AHNAK: variants seen among roughly 807,000 people sequenced by gnomAD.
AHNAK encodes the protein neuroblast differentiation-associated protein AHNAK.
In AHNAK, 23 loss-of-function variants were observed where a neutral mutation model predicts 37.8. That is an observed-to-expected ratio of 0.61 (90% confidence interval 0.44 to 0.86). The LOEUF (loss-of-function observed/expected upper bound fraction) is 0.86, where lower values mean the gene tolerates loss of function less well. Among genes scored for constraint, AHNAK ranks in the 40% least tolerant of loss-of-function variants. AHNAK has a pLI of 0.00. For missense variants in AHNAK, 7,411 were observed against 7,319.4 expected (o/e 1.01, Z -0.46); for synonymous variants, 2,481 against 2,636.3 (o/e 0.94, Z 1.80).
At chr11:62,501,272 T>C (rs1017699812) in intron 4 of AHNAK, among the ~76,000 whole-genome samples, 6 of 151,710 alleles carry the variant, frequency 4.0e-5, no homozygotes, top group Admixed American at 3.3e-4. Context: ...TTCTACATTC[T>C]AGAAGAACTT....
At chr11:62,543,854 C>T (rs1941210954) in intron 1 of AHNAK, among the ~76,000 whole-genome samples, 2 of 152,222 alleles carry the variant, frequency 1.3e-5, no homozygotes, top group African/African-American at 4.8e-5. Flanking sequence ...CAAACCTAAG[C>T]GTGCACAGCA....
intron 5 of AHNAK, among the ~76,000 whole-genome samples, chr11:62,467,807 T>C (rs1334619727): frequency 1.3e-5 from 2 of 152,218 alleles, no homozygotes; most frequent in East Asian, 3.8e-4. Flanking sequence ...AACACCCTAC[T>C]AAAACTTTCA....
intron 5 of AHNAK, among the ~76,000 whole-genome samples, chr11:62,481,276 T>C (rs113511097): frequency 0.011 from 1,630 of 152,086 alleles, 21 homozygotes; most frequent in African/African-American, 0.038. Flanking sequence ...CAGCTAATTT[T>C]TGTATTTTTT....
At position 62,518,601 on chromosome 11, in the gene AHNAK, C is replaced by T. The variant is rs1392739537; in HGVS notation, c.15816G>A (p.Lys5272=). The change falls in exon 5 of 5, where the codon AAG becomes AAA. Residue 5272 remains lysine, a synonymous_variant. Transcript: ENST00000378024. ...TTAGAGAAACATCGGGCCCTTCGAG[C>T]TTAACATCTGGTCCTCTCAAGTCTC... The part of the protein sequence containing the change: ...LEGDLRGPDV[K]LEGPDVSLKG... The T allele has an allele frequency of 6.2e-7, 1 of 1,614,202 alleles. No individual in the cohort carries two copies. The highest frequency in any genetic ancestry group is 1.1e-5 in the South Asian group (1 of 91,084).
At chr11:62,479,447 G>A (rs892536986) in intron 5 of AHNAK, among the ~76,000 whole-genome samples, 11 of 141,300 alleles carry the variant, frequency 7.8e-5, no homozygotes, top group East Asian at 2.1e-4. Context: ...GATTACGGGC[G>A]TGAGCTACCC....
intron 2 of AHNAK, 132 bp from the exon 3 acceptor site, chr11:62,536,230 C>G: frequency 1.1e-6 from 1 of 925,892 alleles, no homozygotes; most frequent in Non-Finnish European, 1.5e-6. Context: ...GCCCCTGCAG[C>G]TGGCTCACCT....
At position 62,520,519 on chromosome 11, in the gene AHNAK, T is replaced by C. The variant is rs116119386; in HGVS notation, c.13898A>G (p.Lys4633Arg). 246 of 1,614,178 alleles carry C rather than the reference T, an allele frequency of 1.5e-4. No individual in the cohort carries two copies. The African/African-American group carries it at 3.0e-3, about 19-fold the overall frequency. The change falls in exon 5 of 5, where the codon AAA becomes AGA. Residue 4633 changes from lysine to arginine, a missense_variant. Lys to Arg is a conservative substitution (Grantham distance 26). Coordinates refer to ENST00000378024, the MANE Select transcript of AHNAK (RefSeq NM_001620.3). ...CACATCTGGGACATCAATGTCCACTTTGGGGTCCCTGATGTCAACTTCGGG... is the reference window on the plus strand; with the variant it reads ...CACATCTGGGACATCAATGTCCACTCTGGGGTCCCTGATGTCAACTTCGGG... ...KGPEVDIRDP[K>R]VDIDVPDVDV... is the part of the protein sequence containing the mutation.
chr11:62,490,168 T>C (rs1467174354), intron 5 of AHNAK, among the ~76,000 whole-genome samples: 3 of 151,516 alleles, frequency 2.0e-5, no homozygotes, highest in Non-Finnish European at 2.9e-5. Context: ...GGGTTCGGGC[T>C]TGAGGGAGGC....
Position 62,528,394 on chromosome 11 carries a change from T to A in AHNAK, c.6023A>T (p.Asp2008Val). Reference protein sequence around the residue: ...LKGPKVKGDMDVSVPKVEGEM... With the variant: ...LKGPKVKGDMVVSVPKVEGEM... ...ACCTTCTACCTTGGGCACAGACACA[T>A]CCATATCCCCTTTGACTTTGGGGCC... is the stretch of plus-strand genomic sequence containing the variant. Residue 2008 changes from aspartate to valine, a missense_variant, in exon 5 of 5, where the codon GAT (aspartate) becomes GTT (valine). Asp to Val is a radical substitution (Grantham distance 152). Coordinates refer to ENST00000378024, the MANE Select transcript of AHNAK (RefSeq NM_001620.3). 1 of 1,613,410 alleles carries A rather than the reference T, an allele frequency of 6.2e-7. No individual in the cohort carries two copies. The highest frequency in any genetic ancestry group is 1.1e-5 in the South Asian group (1 of 91,024).
intron 1 of AHNAK, among the ~76,000 whole-genome samples, chr11:62,541,725 A>G (rs867564339): frequency 5.3e-5 from 8 of 152,240 alleles, no homozygotes; most frequent in Middle Eastern, 6.3e-3. Flanking sequence ...AAAAGAATTA[A>G]TATCCTTATT....
chr11:62,460,984 C>CT (rs1237199746), intron 5 of AHNAK, among the ~76,000 whole-genome samples: 1 of 97,404 alleles, frequency 1.0e-5, no homozygotes, highest in African/African-American at 3.9e-5. Flanking sequence ...CCAGGCCTGG[C>CT]TAATTTTTTT....
Position 62,529,778 on chromosome 11 carries a change from C to A in AHNAK, c.4639G>T (p.Asp1547Tyr). The A allele has an allele frequency of 6.2e-7, 1 of 1,614,204 alleles. No homozygotes were observed. The highest frequency in any genetic ancestry group is 2.2e-5 in the East Asian group (1 of 44,886). ...AGATTCACATCTGGAACATCAATGT[C>A]CACCTTGGGTCCTGAAACACCAAGG... ...ADLGVSGPKVDIDVPDVNLEA... is the reference protein window; with the variant it reads ...ADLGVSGPKVYIDVPDVNLEA... The change falls in exon 5 of 5, where the codon GAC (aspartate) becomes TAC (tyrosine). Residue 1547 changes from aspartate to tyrosine, a missense_variant. Transcript: ENST00000378024.
Position 62,469,996 on chromosome 11 carries a change from G to T in AHNAK, c.442+21736C>A, listed in dbSNP as rs552949553. 2.0e-5 allele frequency among the ~76,000 whole-genome samples: 3 copies of T among 152,224 alleles called. No individual in the cohort carries two copies. The East Asian group carries it at 5.8e-4, about 29-fold the overall frequency. On this transcript the variant is annotated intron_variant, in intron 5 of 5. Coordinates refer to the AHNAK transcript ENST00000257247. ...AATAACTCTCATAACTAGAGCTCTG[G>T]CCCCTAGCTATCAAAACCACAAAAG... is the stretch of plus-strand genomic sequence containing the variant.
chr11:62,448,207 G>T (rs1938458556), intron 5 of AHNAK, among the ~76,000 whole-genome samples: 1 of 152,184 alleles, frequency 6.6e-6, no homozygotes, highest in African/African-American at 2.4e-5. Context: ...AGGTGAAGCT[G>T]GGATCTGGCG....
intron 5 of AHNAK, among the ~76,000 whole-genome samples, chr11:62,435,832 C>T (rs1031348953): frequency 6.6e-6 from 1 of 152,104 alleles, no homozygotes; most frequent in African/African-American, 2.4e-5. Context: ...GCAGGCTGGC[C>T]GCACCCAGCC....
At chr11:62,433,711 G>A in exon 6 of AHNAK, 1 of 791,908 alleles carries the variant, frequency 1.3e-6, no homozygotes, top group Non-Finnish European at 2.0e-6. Context: ...TGGCCTGGCT[G>A]GAGCTATAAA....
Position 62,525,602 on chromosome 11 carries a change from T to C in AHNAK, c.8815A>G (p.Ile2939Val), listed in dbSNP as rs759239083. ...TTCAACTTTCCCTCTGGTCCTTCAA[T>C]GTTAACATCAGGGCCTTCAACGTCC... is the stretch of plus-strand genomic sequence containing the variant. ...KVDVEGPDVN[I>V]EGPEGKLKGP... The change falls in exon 5 of 5, where the codon ATT becomes GTT. Residue 2939 changes from isoleucine (I) to valine (V), a missense_variant. Physicochemically the swap from Ile to Val is conservative, Grantham distance 29. Transcript: ENST00000378024. 7 of 1,613,456 alleles carry C rather than the reference T, an allele frequency of 4.3e-6. No individual in the cohort carries two copies. The highest frequency in any genetic ancestry group is 1.3e-5 in the African/African-American group (1 of 74,688).
At chr11:62,490,869 C>A (rs1234338492) in intron 5 of AHNAK, among the ~76,000 whole-genome samples, 3 of 152,092 alleles carry the variant, frequency 2.0e-5, no homozygotes, top group African/African-American at 7.2e-5. Flanking sequence ...CTCACGGCAA[C>A]CTCTGCCTCC....
At chr11:62,437,809 A>G (rs1938209402) in intron 5 of AHNAK, among the ~76,000 whole-genome samples, 2 of 152,194 alleles carry the variant, frequency 1.3e-5, no homozygotes, top group Non-Finnish European at 2.9e-5. Flanking sequence ...TAGTTGTTCC[A>G]TATTCTCAGC....
Sources: allele counts gnomAD v4.1 joint callset (sites outside exome capture counted in the v4.1 genomes callset), GRCh38; gene constraint gnomAD v4.1.1; transcripts MANE v1.5; gene names NCBI Gene and HGNC (gene_info 2026-07-23, HGNC 2026-07-21).